The following LRRC2 variants were observed in gnomAD, a reference collection of about 807,000 sequenced individuals.
LRRC2 encodes the protein leucine rich repeat containing 2.
Under a neutral mutation model 40.2 loss-of-function variants are expected in LRRC2, and 27 were observed. The observed-to-expected ratio is 0.67, with a 90% confidence interval of 0.49 to 0.93. The LOEUF (loss-of-function observed/expected upper bound fraction) is 0.93. Ranked by LOEUF, LRRC2 falls within the 40% of genes least tolerant of loss-of-function variation. The probability of loss-of-function intolerance (pLI) is 0.00; values close to 1 mark genes in which losing one functional copy is unlikely to be tolerated. For synonymous variants in LRRC2, 147 were observed against 158.9 expected (o/e 0.92, Z 0.56); for missense variants, 402 against 439.6 (o/e 0.91, Z 0.76).
chr3:46,535,483 C>T (rs1433675919), intron 4 of LRRC2, among the ~76,000 whole-genome samples: 1 of 152,174 alleles, frequency 6.6e-6, no homozygotes, highest in African/African-American at 2.4e-5. Flanking sequence ...TGTCCCCCTC[C>T]TTCCCATAGT....
At chr3:46,544,067 C>CCATAAAAGTGATATGCATTTTT (rs1553613337) in intron 3 of LRRC2, among the ~76,000 whole-genome samples, 2 of 151,958 alleles carry the variant, frequency 1.3e-5, no homozygotes, top group Admixed American at 6.6e-5. Flanking sequence ...TGATAAAAAC[C>CCATAAAAGTGATATGCATTTTT]ACCTCGGATC....
At chr3:46,541,766 A>C (rs192058181) in intron 3 of LRRC2, among the ~76,000 whole-genome samples, 1 of 152,298 alleles carries the variant, frequency 6.6e-6, no homozygotes, top group East Asian at 1.9e-4. Flanking sequence ...CTTGACCCCC[A>C]TCCATGCCAC....
At chr3:46,549,373 T>C (rs992313993) in intron 2 of LRRC2, among the ~76,000 whole-genome samples, 2 of 152,170 alleles carry the variant, frequency 1.3e-5, no homozygotes, top group Non-Finnish European at 1.5e-5. Flanking sequence ...AAAACACCTG[T>C]AAAGAAGGCA....
chr3:46,520,100 CAAATT>C (rs1703938761), intron 8 of LRRC2, among the ~76,000 whole-genome samples: 1 of 149,030 alleles, frequency 6.7e-6, no homozygotes, highest in Non-Finnish European at 1.5e-5. Context: ...TATTTTAAAA[CAAATT>C]AATTTATTTA....
chr3:46,525,593 G>A (rs912255180), intron 7 of LRRC2, among the ~76,000 whole-genome samples: 1 of 151,930 alleles, frequency 6.6e-6, no homozygotes, highest in Admixed American at 6.6e-5. Context: ...CACTACTCTT[G>A]TTTTCTAAAA....
intron 7 of LRRC2, among the ~76,000 whole-genome samples, chr3:46,524,520 C>T (rs1473530265): frequency 7.9e-5 from 12 of 152,208 alleles, no homozygotes; most frequent in Non-Finnish European, 1.2e-4. Context: ...CAGGACAGAG[C>T]GGTGCGCTCC....
At chr3:46,544,067 C>CCATAAAAGTGAT (rs1553613337) in intron 3 of LRRC2, among the ~76,000 whole-genome samples, 1 of 151,964 alleles carries the variant, frequency 6.6e-6, no homozygotes, top group African/African-American at 2.4e-5. Context: ...TGATAAAAAC[C>CCATAAAAGTGAT]ACCTCGGATC....
At chr3:46,525,849 A>AT (rs1704049603) in intron 7 of LRRC2, among the ~76,000 whole-genome samples, 1 of 152,014 alleles carries the variant, frequency 6.6e-6, no homozygotes, top group East Asian at 1.9e-4. Context: ...TAAGAGGACT[A>AT]TTTTCACTAG....
chr3:46,527,376 A>ACTC (rs769817081), intron 7 of LRRC2, 50 bp downstream of exon 7: 9 of 1,599,666 alleles, frequency 5.6e-6, no homozygotes, highest in Non-Finnish European at 7.7e-6. Context: ...GGTACTTCTC[A>ACTC]CTCCTTACCT....
Position 46,517,563 on chromosome 3 carries a change from A to C in LRRC2, c.*1451T>G, listed in dbSNP as rs1286631618. ...GCTGTTCTCAAAATCCTGTTCTCAA[A>C]TTCCTGGGCTCAAACAACCTGCTTG... On this transcript the variant is annotated 3_prime_UTR_variant, in exon 9 of 9. Transcript: ENST00000395905. The C allele has an allele frequency of 6.6e-6, 1 of 151,980 alleles. No homozygotes were observed. Among genetic ancestry groups the C allele is most frequent in the Non-Finnish European group, 1.5e-5 (1 of 68,020 alleles). 9.4% of individuals were successfully genotyped at this position (151,980 alleles called of 1,614,324 possible). A position where few individuals can be genotyped will look rare whatever the true frequency, so the allele number is the denominator to read the frequency against.
chr3:46,552,822 T>G (rs954451290), intron 1 of LRRC2, among the ~76,000 whole-genome samples: 3 of 152,046 alleles, frequency 2.0e-5, no homozygotes, highest in Non-Finnish European at 4.4e-5. Flanking sequence ...AGATTGAACC[T>G]TCACAAACCA....
chr3:46,555,015 C>T (rs1704759746), intron 1 of LRRC2, among the ~76,000 whole-genome samples: 1 of 152,138 alleles, frequency 6.6e-6, no homozygotes, highest in Non-Finnish European at 1.5e-5. Flanking sequence ...TTTTCATATG[C>T]TTGTTAGGCA....
chr3:46,557,085 C>G (rs1024121539), intron 1 of LRRC2, among the ~76,000 whole-genome samples: 1 of 152,178 alleles, frequency 6.6e-6, no homozygotes, highest in Non-Finnish European at 1.5e-5. Flanking sequence ...GCCATCGAAT[C>G]CCCTGTGACT....
At chr3:46,548,906 C>T (rs1042330074) in intron 2 of LRRC2, among the ~76,000 whole-genome samples, 5 of 152,116 alleles carry the variant, frequency 3.3e-5, no homozygotes, top group African/African-American at 1.2e-4. Flanking sequence ...GGTTTGTGCT[C>T]CTATGAGAAT....
chr3:46,561,184 A>G (rs1559422591), intron 1 of LRRC2, among the ~76,000 whole-genome samples: 4 of 152,022 alleles, frequency 2.6e-5, no homozygotes, highest in Admixed American at 2.0e-4. Flanking sequence ...TGCTTGCCAA[A>G]AACATTCTCA....
chr3:46,543,889 A>T (rs1704461016), intron 3 of LRRC2, among the ~76,000 whole-genome samples: 1 of 152,068 alleles, frequency 6.6e-6, no homozygotes, highest in Admixed American at 6.5e-5. Flanking sequence ...AACAGTAAAG[A>T]GGTTTACAGT....
chr3:46,559,840 A>AC (rs1704896253), intron 1 of LRRC2: 1 of 152,200 alleles, frequency 6.6e-6, no homozygotes, highest in Non-Finnish European at 1.5e-5. Flanking sequence ...AACCATGTTC[A>AC]CCATTTTCCC....
chr3:46,550,622 A>T (rs1704624130), intron 2 of LRRC2, among the ~76,000 whole-genome samples: 2 of 152,118 alleles, frequency 1.3e-5, no homozygotes, highest in Non-Finnish European at 2.9e-5. Flanking sequence ...CGATCTCCTG[A>T]CCTTGTGATC....
intron 2 of LRRC2, among the ~76,000 whole-genome samples, chr3:46,548,273 CA>C (rs1303958094): frequency 6.6e-6 from 1 of 151,828 alleles, no homozygotes; most frequent in Non-Finnish European, 1.5e-5. Context: ...AATTATATAC[CA>C]AATCTATTTT....
Sources: allele counts gnomAD v4.1 joint callset (sites outside exome capture counted in the v4.1 genomes callset), GRCh38; gene constraint gnomAD v4.1.1; transcripts MANE v1.5; gene names NCBI Gene and HGNC (gene_info 2026-07-23, HGNC 2026-07-21).